LRBA: variants seen among roughly 807,000 people sequenced by gnomAD.
The protein encoded by LRBA is lipopolysaccharide-responsive and beige-like anchor protein.
LRBA carries 176 observed loss-of-function variants against 330.0 expected under a neutral mutation model. The ratio of observed to expected loss-of-function variants is 0.53; its 90% confidence interval spans 0.47 to 0.60. The LOEUF (loss-of-function observed/expected upper bound fraction) is 0.60. Among genes scored for constraint, LRBA ranks in the 20% least tolerant of loss-of-function variants. The probability of loss-of-function intolerance (pLI) is 0.00; values close to 1 mark genes in which losing one functional copy is unlikely to be tolerated. For synonymous variants in LRBA, 1,230 were observed against 1,193.0 expected, an observed-to-expected ratio of 1.03 and a Z score of -0.64; for missense variants, 3,259 against 3,444.8, an observed-to-expected ratio of 0.95 and a Z score of 1.35.
intron 40 of LRBA, among the ~76,000 whole-genome samples, chr4:150,509,694 G>A (rs1761607636): frequency 6.6e-6 from 1 of 151,834 alleles, no homozygotes; most frequent in South Asian, 2.1e-4. Flanking sequence ...AAAAATAGAT[G>A]TAAATCACGA....
chr4:150,872,862 G>A, intron 17 of LRBA, 107 bp from the exon 18 acceptor site: 4 of 497,722 alleles, frequency 8.0e-6, no homozygotes, highest in Non-Finnish European at 1.0e-5. Flanking sequence ...CAAATAATAT[G>A]GAAGGAAATT....
intron 47 of LRBA, among the ~76,000 whole-genome samples, chr4:150,411,650 T>G (rs1747021578): frequency 6.6e-6 from 1 of 152,140 alleles, no homozygotes; most frequent in Admixed American, 6.5e-5. Context: ...GCTCTGGCTA[T>G]GAGAAGCCGA....
At chr4:150,645,065 A>G (rs1013764571) in intron 37 of LRBA, among the ~76,000 whole-genome samples, 3 of 151,532 alleles carry the variant, frequency 2.0e-5, no homozygotes, top group African/African-American at 4.8e-5. Context: ...CAGAAATACA[A>G]GTGGAATATA....
intron 37 of LRBA, among the ~76,000 whole-genome samples, chr4:150,676,599 C>T (rs974794661): frequency 2.0e-5 from 3 of 152,060 alleles, no homozygotes; most frequent in Admixed American, 6.6e-5. Context: ...CAAGGCTGGG[C>T]TAAATTATTG....
intron 35 of LRBA, among the ~76,000 whole-genome samples, chr4:150,755,099 ATTC>A (rs957227453): frequency 5.3e-5 from 8 of 152,062 alleles, no homozygotes; most frequent in African/African-American, 1.9e-4. Context: ...CCTTCTAGTC[ATTC>A]TTCTTCTCAT....
chr4:150,521,243 T>A (rs531154869), intron 40 of LRBA, among the ~76,000 whole-genome samples: 1 of 152,232 alleles, frequency 6.6e-6, no homozygotes, highest in Admixed American at 6.5e-5. Context: ...TCCTTCCTTA[T>A]GTTTGAGTTT....
intron 40 of LRBA, among the ~76,000 whole-genome samples, chr4:150,560,390 TG>T (rs1198369759): frequency 6.6e-6 from 1 of 152,254 alleles, no homozygotes; most frequent in South Asian, 2.1e-4. Context: ...CCAACATTAG[TG>T]AAATATGGGC....
At chr4:150,416,875 C>A (rs995977584) in intron 46 of LRBA, among the ~76,000 whole-genome samples, 4 of 151,950 alleles carry the variant, frequency 2.6e-5, no homozygotes, top group Non-Finnish European at 5.9e-5. Flanking sequence ...TCTTAATAAA[C>A]CTTATTACAT....
chr4:150,510,221 A>C (rs1356558092), intron 40 of LRBA, among the ~76,000 whole-genome samples: 1 of 152,230 alleles, frequency 6.6e-6, no homozygotes, highest in Non-Finnish European at 1.5e-5. Context: ...TCTAATAAAG[A>C]AGTTAAATTT....
chr4:150,986,875 G>A (rs377641818), intron 2 of LRBA, among the ~76,000 whole-genome samples: 5 of 152,178 alleles, frequency 3.3e-5, no homozygotes, highest in South Asian at 2.1e-4. Flanking sequence ...ATACTCGTGC[G>A]ATAGGTGAAA....
intron 37 of LRBA, among the ~76,000 whole-genome samples, chr4:150,626,964 G>A (rs576216413): frequency 1.2e-4 from 18 of 151,912 alleles, no homozygotes; most frequent in South Asian, 8.3e-4. Flanking sequence ...CATCAAGATG[G>A]CAACACTTAT....
At chr4:150,786,175 C>T (rs879190472) in intron 34 of LRBA, among the ~76,000 whole-genome samples, 1 of 152,066 alleles carries the variant, frequency 6.6e-6, no homozygotes, top group Non-Finnish European at 1.5e-5. Flanking sequence ...TAATTACTCC[C>T]GTAAATAACA....
intron 28 of LRBA, among the ~76,000 whole-genome samples, chr4:150,835,726 A>G (rs1175230864): frequency 1.3e-5 from 2 of 152,222 alleles, no homozygotes; most frequent in South Asian, 4.1e-4. Context: ...TTTTCTAAAT[A>G]TACAATCATG....
At chr4:150,772,598 A>C (rs1167215825) in intron 34 of LRBA, among the ~76,000 whole-genome samples, 1 of 152,162 alleles carries the variant, frequency 6.6e-6, no homozygotes, top group Non-Finnish European at 1.5e-5. Context: ...ACTTAAACCT[A>C]GTGACAGGCC....
chr4:150,716,620 C>T (rs1011500207), intron 36 of LRBA, among the ~76,000 whole-genome samples: 12 of 151,668 alleles, frequency 7.9e-5, no homozygotes, highest in Non-Finnish European at 1.3e-4. Context: ...AAAATAAACA[C>T]GTTTAAATTT....
intron 44 of LRBA, among the ~76,000 whole-genome samples, chr4:150,440,897 AAAGCTGACATCTGTGGTAGAATAAT>A (rs1379224887): frequency 6.6e-6 from 1 of 152,176 alleles, no homozygotes; most frequent in African/African-American, 2.4e-5. Flanking sequence ...CACAAATAGC[AAAGCTGACATCTGTGGTAGAATAAT>A]AAGTATTCTG....
intron 37 of LRBA, among the ~76,000 whole-genome samples, chr4:150,645,780 A>C (rs1779071442): frequency 6.6e-6 from 1 of 151,956 alleles, no homozygotes; most frequent in South Asian, 2.1e-4. Context: ...ATATTTTAAA[A>C]GATGAAATCC....
chr4:150,285,943 A>G lies in LRBA; in HGVS notation c.8109T>C (p.Ser2703=). 2 of 1,577,008 alleles carry G rather than the reference A, an allele frequency of 1.3e-6. No homozygotes were observed. Among genetic ancestry groups the G allele is most frequent in the Non-Finnish European group, 1.7e-6 (2 of 1,165,370 alleles). Reference sequence around the variant, plus strand: ...GTACCACAGGTTTACCTTGTGAACCACTCAACACCAGGCCTAGCTCCGCAC... The same window carrying G: ...GTACCACAGGTTTACCTTGTGAACCGCTCAACACCAGGCCTAGCTCCGCAC... ...AVCAELGLVL[S]GSQEGPCLIH... Residue 2703 remains serine (S), a synonymous_variant, in exon 54 of 57, where the codon AGT becomes AGC. Transcript: ENST00000651943.
intron 44 of LRBA, among the ~76,000 whole-genome samples, chr4:150,456,193 G>A (rs1754042612): frequency 1.3e-5 from 2 of 152,254 alleles, no homozygotes; most frequent in South Asian, 2.1e-4. Context: ...ACACCTAGAA[G>A]TGGAATTGTT....
Sources: gnomAD v4.1 joint callset for allele counts (sites outside exome capture counted in the v4.1 genomes callset) on GRCh38, gnomAD v4.1.1 for gene constraint, MANE v1.5 for transcripts, NCBI Gene and HGNC (gene_info 2026-07-23, HGNC 2026-07-21) for gene names.